The following AGO3 variants were observed in gnomAD, a reference collection of about 807,000 sequenced individuals.
AGO3 encodes the protein protein argonaute-3.
A neutral mutation model predicts 105.5 loss-of-function variants in AGO3; 16 were observed. The observed-to-expected ratio is 0.15, with a 90% CI of 0.10 to 0.23. AGO3 has a LOEUF of 0.23. AGO3 is among the 10% of genes least tolerant of loss of function. AGO3 has a pLI of 1.00. For missense variants in AGO3, 534 were observed against 1,088.0 expected (o/e 0.49, Z 7.16); for synonymous variants, 340 against 367.3 (o/e 0.93, Z 0.85).
chr1:36,014,159 A>G, intron 11 of AGO3, 111 bp downstream of exon 11: 3 of 1,443,952 alleles, frequency 2.1e-6, no homozygotes, highest in Non-Finnish European at 2.8e-6. Flanking sequence ...GTAATCACTG[A>G]ACCATTTTTT....
chr1:35,984,526 A>G (rs556989100), intron 5 of AGO3: 4 of 152,650 alleles, frequency 2.6e-5, no homozygotes, highest in African/African-American at 9.6e-5. Context: ...TTCTCCCCCA[A>G]TCCAGCCATC....
intron 2 of AGO3, among the ~76,000 whole-genome samples, chr1:35,966,184 A>G (rs943072859): frequency 6.6e-6 from 1 of 152,210 alleles, no homozygotes; most frequent in Non-Finnish European, 1.5e-5. Context: ...TTCTCATTGT[A>G]ATATATTTAG....
intron 1 of AGO3, among the ~76,000 whole-genome samples, chr1:35,936,297 C>T (rs1646144750): frequency 6.6e-6 from 1 of 151,262 alleles, no homozygotes; most frequent in South Asian, 2.1e-4. Context: ...AAAACCTTGT[C>T]ACACAACTGA....
At chr1:35,950,172 C>T (rs188033764) in intron 2 of AGO3, among the ~76,000 whole-genome samples, 4 of 151,672 alleles carry the variant, frequency 2.6e-5, no homozygotes, top group Non-Finnish European at 5.9e-5. Context: ...AGTGAGCCGA[C>T]GTCGTGCCAC....
In AGO3 at chr1:36,027,025, C is replaced by A; in HGVS notation, c.1407-89C>A. 1 of 1,429,300 alleles carries A rather than the reference C, an allele frequency of 7.0e-7. No homozygotes were observed. 88.5% of individuals were successfully genotyped at this position (1,429,300 alleles called of 1,614,324 possible). The stretch of plus-strand genomic sequence containing the variant: ...GAAGCACACAAATCTTTGCTTCATC[C>A]TTCCATTCCCTTCCCAAACTTCCCA... On this transcript the variant is annotated intron_variant, in intron 11 of 18. Transcript: ENST00000373191. This position sits in a 1 kb window ranked among gnomAD's most constrained non-coding sequence, Gnocchi z 4.0.
In AGO3 at chr1:35,965,328, A is replaced by G. The variant is rs537331198; in HGVS notation, c.192-1627A>G. 3.9e-5 allele frequency among the ~76,000 whole-genome samples: 6 copies of G among 151,952 alleles called. No homozygotes were observed. The East Asian group carries it at 1.2e-3, about 29-fold the overall frequency. On this transcript the variant is annotated intron_variant, in intron 2 of 18. Transcript: ENST00000373191. ...AACATGGTGAAACCCTGTCTCTACT[A>G]AAAATACAAAACTTAGCTGGACGTG...
At chr1:35,995,781 G>C (rs1366453967) in intron 5 of AGO3, among the ~76,000 whole-genome samples, 1 of 152,094 alleles carries the variant, frequency 6.6e-6, no homozygotes, top group Non-Finnish European at 1.5e-5. Flanking sequence ...GAGTCCAAGT[G>C]ATTCCCCCAC....
At chr1:35,943,716 A>T (rs1010430814) in intron 1 of AGO3, among the ~76,000 whole-genome samples, 1 of 149,290 alleles carries the variant, frequency 6.7e-6, no homozygotes, top group South Asian at 2.1e-4. Flanking sequence ...CGATTCTACC[A>T]CCTCAGTCTT....
chr1:35,931,911 C>G (rs1294869682), intron 1 of AGO3, among the ~76,000 whole-genome samples: 1 of 152,148 alleles, frequency 6.6e-6, no homozygotes, highest in African/African-American at 2.4e-5. Flanking sequence ...ACGTTAAATT[C>G]AACATGGCAT....
At chr1:36,052,116 C>T (rs1484875923) in intron 17 of AGO3, among the ~76,000 whole-genome samples, 1 of 152,110 alleles carries the variant, frequency 6.6e-6, no homozygotes, top group Non-Finnish European at 1.5e-5. Flanking sequence ...TCTGCATCCC[C>T]ATGTTTATTG....
chr1:35,986,950 T>C (rs1257510714), intron 5 of AGO3, among the ~76,000 whole-genome samples: 1 of 147,200 alleles, frequency 6.8e-6, no homozygotes, highest in East Asian at 2.0e-4. Flanking sequence ...GAGCTGAGAT[T>C]GCACCACTGT....
intron 5 of AGO3, among the ~76,000 whole-genome samples, chr1:35,990,044 G>A (rs1386071320): frequency 1.3e-5 from 2 of 152,102 alleles, no homozygotes; most frequent in Non-Finnish European, 2.9e-5. Flanking sequence ...TAAGTTGGTA[G>A]TATCATCAAC....
At chr1:35,965,132 TA>T (rs567277800) in intron 2 of AGO3, among the ~76,000 whole-genome samples, 111 of 146,386 alleles carry the variant, frequency 7.6e-4, no homozygotes, top group East Asian at 9.9e-4. Flanking sequence ...ACTGTTGAGT[TA>T]AAAAAAAAAA....
intron 11 of AGO3, among the ~76,000 whole-genome samples, chr1:36,015,148 G>A (rs1640838383): frequency 6.6e-6 from 1 of 152,134 alleles, no homozygotes; most frequent in African/African-American, 2.4e-5. Context: ...CTGGTCATGG[G>A]TTCCCATGAC....
chr1:36,018,705 A>G (rs1641046993), intron 11 of AGO3, among the ~76,000 whole-genome samples: 2 of 152,146 alleles, frequency 1.3e-5, no homozygotes, highest in Admixed American at 6.6e-5. Flanking sequence ...TGCTGGGATT[A>G]CAGGCATGAG....
Position 35,995,864 on chromosome 1 carries a change from G to C in AGO3, c.659-8477G>C, listed in dbSNP as rs371021585. Among the ~76,000 whole-genome samples the C allele has an allele frequency of 2.9e-4, 44 of 152,228 alleles. No individual in the cohort carries two copies. In the East Asian group the frequency reaches 5.6e-3, roughly 19 times the overall value. On this transcript the variant is annotated intron_variant, in intron 5 of 18. Coordinates refer to ENST00000373191, the MANE Select transcript of AGO3 (RefSeq NM_024852.4). ...GGGTAATTTTTGTAGTTTTAGTAGA[G>C]ACGAGGTTTTACCATGTTGGCCAGG...
chr1:36,052,662 A>G (rs1476115650), intron 17 of AGO3, among the ~76,000 whole-genome samples: 1 of 152,172 alleles, frequency 6.6e-6, no homozygotes, highest in Admixed American at 6.6e-5. Flanking sequence ...AAATATGTGT[A>G]ATTATTATGT....
chr1:36,021,321 A>G (rs1641209826), intron 11 of AGO3, among the ~76,000 whole-genome samples: 1 of 152,202 alleles, frequency 6.6e-6, no homozygotes, highest in Non-Finnish European at 1.5e-5. Flanking sequence ...AACTGTGGAA[A>G]TGACTTTAAA....
chr1:35,936,711 T>C (rs1284031361), intron 1 of AGO3, among the ~76,000 whole-genome samples: 1 of 152,134 alleles, frequency 6.6e-6, no homozygotes, highest in African/African-American at 2.4e-5. Flanking sequence ...GTATCTACAG[T>C]CTATTGATGT....
Sources: allele counts gnomAD v4.1 joint callset (sites outside exome capture counted in the v4.1 genomes callset), GRCh38; gene constraint gnomAD v4.1.1; non-coding constraint Gnocchi (gnomAD v3.1); transcripts MANE v1.5; gene names NCBI Gene and HGNC (gene_info 2026-07-23, HGNC 2026-07-21).